Variants in ABCC4 observed in about 807,000 individuals in gnomAD.
ABCC4 encodes ATP binding cassette subfamily C member 4 (PEL blood group).
ABCC4 carries 102 observed loss-of-function variants against 168.5 expected under a neutral mutation model. The ratio of observed to expected loss-of-function variants is 0.61; its 90% CI spans 0.52 to 0.71. The LOEUF is 0.71. ABCC4 is among the 30% of genes least tolerant of loss of function. The probability of loss-of-function intolerance (pLI) is 0.00; values close to 1 mark genes in which losing one functional copy is unlikely to be tolerated. For missense variants in ABCC4, 1,402 were observed against 1,605.8 expected (o/e 0.87, Z 2.17); for synonymous variants, 617 against 590.7 (o/e 1.04, Z -0.65).
intron 27 of ABCC4, among the ~76,000 whole-genome samples, chr13:95,046,494 G>A (rs2032585365): frequency 6.6e-6 from 1 of 152,218 alleles, no homozygotes; most frequent in African/African-American, 2.4e-5. Context: ...GCCAAGTACA[G>A]TGGCTCATGC....
At chr13:95,091,879 G>A (rs1310971050) in intron 20 of ABCC4, among the ~76,000 whole-genome samples, 3 of 152,118 alleles carry the variant, frequency 2.0e-5, no homozygotes, top group Non-Finnish European at 2.9e-5. Context: ...CAGAAGTGCA[G>A]AATGGATAAA....
intron 4 of ABCC4, among the ~76,000 whole-genome samples, chr13:95,212,270 G>A (rs1322024125): frequency 6.6e-6 from 1 of 151,982 alleles, no homozygotes; most frequent in Non-Finnish European, 1.5e-5. Flanking sequence ...GGAGAAGAAA[G>A]GGAAGGAGAG....
At chr13:95,205,016 G>A (rs1033264539) in intron 8 of ABCC4, among the ~76,000 whole-genome samples, 1 of 152,132 alleles carries the variant, frequency 6.6e-6, no homozygotes. Context: ...AAGATACTCT[G>A]GTCAAAGTAT....
intron 20 of ABCC4, among the ~76,000 whole-genome samples, chr13:95,100,642 AT>A (rs1202840232): frequency 6.6e-6 from 1 of 152,202 alleles, no homozygotes; most frequent in Non-Finnish European, 1.5e-5. Context: ...GTTGGCATGA[AT>A]CATTATCTCT....
At chr13:95,277,398 T>A (rs1312139477) in intron 1 of ABCC4, among the ~76,000 whole-genome samples, 1 of 152,000 alleles carries the variant, frequency 6.6e-6, no homozygotes, top group Non-Finnish European at 1.5e-5. Context: ...CTGGCCAACA[T>A]GGTGAAACCT....
chr13:95,109,391 AACAC>A lies in ABCC4; in HGVS notation c.2535+6527_2535+6530del, dbSNP rs61165942. On this transcript the variant is annotated intron_variant, in intron 20 of 30. Coordinates refer to ENST00000645237, the MANE Select transcript of ABCC4 (RefSeq NM_005845.5). ...TTTGAGGGTGAGCCACAGGTGTGCA[AACAC>A]ACACACACACACACACACACACACA... Among the ~76,000 whole-genome samples the A allele has an allele frequency of 3.0e-3, 450 of 150,406 alleles. 2 individuals carry two copies. Among genetic ancestry groups the A allele is most frequent in the African/African-American group, 7.8e-3 (319 of 40,982 alleles).
intron 19 of ABCC4, among the ~76,000 whole-genome samples, chr13:95,158,925 T>C (rs1350934961): frequency 4.6e-5 from 7 of 150,950 alleles, no homozygotes; most frequent in Admixed American, 2.0e-4. Flanking sequence ...ATAAAATAAA[T>C]TTTAAAAATT....
intron 19 of ABCC4, among the ~76,000 whole-genome samples, chr13:95,118,829 G>A (rs1042842465): frequency 6.6e-5 from 10 of 152,130 alleles, no homozygotes; most frequent in African/African-American, 2.2e-4. Flanking sequence ...CTTGCCTTCC[G>A]GGAACATCCA....
At chr13:95,224,938 G>A (rs374795467) in intron 4 of ABCC4, among the ~76,000 whole-genome samples, 5 of 151,992 alleles carry the variant, frequency 3.3e-5, no homozygotes, top group African/African-American at 4.8e-5. Flanking sequence ...ATTGTATGGC[G>A]GTGAAGATGA....
At chr13:95,186,576 T>C in intron 11 of ABCC4, 125 bp downstream of exon 11, 1 of 819,712 alleles carries the variant, frequency 1.2e-6, no homozygotes, top group Non-Finnish European at 1.8e-6. Flanking sequence ...GAGGACCGCC[T>C]TAAAGTATTA....
chr13:95,206,860 TGG>T, intron 7 of ABCC4, 79 bp from the exon 8 acceptor site: 1 of 1,500,198 alleles, frequency 6.7e-7, no homozygotes, highest in Non-Finnish European at 9.1e-7. Flanking sequence ...CTCAGCACTT[TGG>T]GAGCTGAGGT....
chr13:95,262,980 C>A (rs796194031), intron 1 of ABCC4, among the ~76,000 whole-genome samples: 1 of 152,116 alleles, frequency 6.6e-6, no homozygotes, highest in African/African-American at 2.4e-5. Flanking sequence ...AAACAACTGT[C>A]CTTCTTGTGG....
intron 8 of ABCC4, among the ~76,000 whole-genome samples, chr13:95,196,580 A>AGGAGGAAAGGAG (rs2038425108): frequency 2.0e-5 from 2 of 101,100 alleles, no homozygotes; most frequent in African/African-American, 6.7e-5. Context: ...AAAGGAGGAA[A>AGGAGGAAAGGAG]GGAGGAAGGA....
chr13:95,073,984 C>T lies in ABCC4; in HGVS notation c.2917+230G>A, dbSNP rs544692699. On this transcript the variant is annotated intron_variant, in intron 23 of 30. Transcript: ENST00000645237. ...ACAGGAATGTTCAGAATCTCAACTG[C>T]GCATATCTCAACCCATTCAAAGAAA... Among the ~76,000 whole-genome samples, 6 of 152,236 alleles carry T rather than the reference C, an allele frequency of 3.9e-5. No homozygotes were observed. The East Asian group carries it at 5.8e-4, about 15-fold the overall frequency.
chr13:95,224,462 C>T (rs1468207075), intron 4 of ABCC4, among the ~76,000 whole-genome samples: 1 of 152,086 alleles, frequency 6.6e-6, no homozygotes, highest in Non-Finnish European at 1.5e-5. Context: ...GTTGGCCAGT[C>T]GTGGTGGCTC....
chr13:95,253,755 C>T (rs1240079117), intron 1 of ABCC4, among the ~76,000 whole-genome samples: 1 of 151,644 alleles, frequency 6.6e-6, no homozygotes, highest in Non-Finnish European at 1.5e-5. Context: ...AAAAAAACAA[C>T]ACAGAAACAA....
rs146306699 is a variant in ABCC4, at chr13:95,269,131, G to A, written c.75-21378C>T. Among the ~76,000 whole-genome samples, 5 of 152,284 alleles carry A rather than the reference G, an allele frequency of 3.3e-5. No homozygotes were observed. The East Asian group carries it at 9.7e-4, about 29-fold the overall frequency. Reference sequence around the variant, plus strand: ...TAGTAAAACTGTAATTGTAAGTGTAGCACTTTCCTGAGTTCTGTGAGTCAT... The same window carrying A: ...TAGTAAAACTGTAATTGTAAGTGTAACACTTTCCTGAGTTCTGTGAGTCAT... On this transcript the variant is annotated intron_variant, in intron 1 of 30. Transcript: ENST00000645237.
At chr13:95,090,914 A>G (rs1158472981) in intron 20 of ABCC4, among the ~76,000 whole-genome samples, 2 of 152,206 alleles carry the variant, frequency 1.3e-5, no homozygotes, top group African/African-American at 4.8e-5. Flanking sequence ...ATAGTCAAAG[A>G]AACAGATAGC....
chr13:95,069,822 T>C (rs1371763416), intron 25 of ABCC4, among the ~76,000 whole-genome samples: 3 of 152,188 alleles, frequency 2.0e-5, no homozygotes, highest in Non-Finnish European at 2.9e-5. Context: ...TGGATAATAT[T>C]CCATTATGCG....
Sources: gnomAD v4.1 joint callset for allele counts (sites outside exome capture counted in the v4.1 genomes callset) on GRCh38, gnomAD v4.1.1 for gene constraint, MANE v1.5 for transcripts, NCBI Gene and HGNC (gene_info 2026-07-23, HGNC 2026-07-21) for gene names.